KCNIP4: variants seen among roughly 807,000 people sequenced by gnomAD.
KCNIP4 encodes Kv channel-interacting protein 4.
KCNIP4 carries 12 observed loss-of-function variants against 34.0 expected under a neutral mutation model. That is an observed-to-expected ratio of 0.35 (90% CI 0.23 to 0.57). The LOEUF (loss-of-function observed/expected upper bound fraction) is 0.57, where lower values mean the gene tolerates loss of function less well. Among genes scored for constraint, KCNIP4 ranks in the 20% least tolerant of loss-of-function variants. KCNIP4 has a pLI of 0.83. For synonymous variants in KCNIP4, 124 were observed against 102.2 expected (o/e 1.21, Z -1.29); for missense variants, 238 against 311.7 (o/e 0.76, Z 1.78).
intron 1 of KCNIP4, among the ~76,000 whole-genome samples, chr4:21,902,517 G>A (rs1367605877): frequency 6.6e-6 from 1 of 152,088 alleles, no homozygotes; most frequent in African/African-American, 2.4e-5. Flanking sequence ...GACCTTCTGG[G>A]AAAGAGACAT....
At chr4:21,606,071 T>C (rs969144811) in intron 1 of KCNIP4, among the ~76,000 whole-genome samples, 6 of 152,098 alleles carry the variant, frequency 3.9e-5, no homozygotes, top group Non-Finnish European at 8.8e-5. Flanking sequence ...TGAACAATCT[T>C]ACTGGGGAGT....
chr4:21,464,415 T>C (rs1374114900), intron 1 of KCNIP4, among the ~76,000 whole-genome samples: 1 of 152,062 alleles, frequency 6.6e-6, no homozygotes, highest in Non-Finnish European at 1.5e-5. Flanking sequence ...ATTTCTCTCA[T>C]AGCATTTTCT....
intron 1 of KCNIP4, among the ~76,000 whole-genome samples, chr4:21,813,497 A>T (rs1721786998): frequency 6.6e-6 from 1 of 152,176 alleles, no homozygotes; most frequent in African/African-American, 2.4e-5. Flanking sequence ...AACTTTTCAG[A>T]AACTTGCCCA....
chr4:21,532,986 G>A lies in KCNIP4; in HGVS notation c.61+415585C>T, dbSNP rs1736819151. Among the ~76,000 whole-genome samples, 3 of 138,012 alleles carry A rather than the reference G, an allele frequency of 2.2e-5. No individual in the cohort carries two copies. In the South Asian group the frequency reaches 8.5e-4, roughly 39 times the overall value. The allele number at this position is 138,012 out of a possible 152,430, so 90.5% of individuals were successfully genotyped here. A position where few individuals can be genotyped will look rare whatever the true frequency, so the allele number is the denominator to read the frequency against. ...AATTAAAGAGAAAATACATACATAT[G>A]TGTGAGTGTGTATATATATGTATAT... On this transcript the variant is annotated intron_variant, in intron 1 of 8. Coordinates refer to ENST00000382152, the MANE Select transcript of KCNIP4 (RefSeq NM_025221.6).
At chr4:21,733,557 T>A (rs1448772953) in intron 1 of KCNIP4, among the ~76,000 whole-genome samples, 2 of 152,216 alleles carry the variant, frequency 1.3e-5, no homozygotes, top group Non-Finnish European at 2.9e-5. Context: ...AGACAATGCA[T>A]GTCCATGGGA....
At chr4:21,174,901 CAAAA>C (rs5856608) in intron 1 of KCNIP4, among the ~76,000 whole-genome samples, 1 of 115,746 alleles carries the variant, frequency 8.6e-6, no homozygotes, top group Non-Finnish European at 1.8e-5. Flanking sequence ...GACACTGTCT[CAAAA>C]AAAAAAAAAA....
At chr4:21,916,880 G>A (rs779280640) in intron 1 of KCNIP4, among the ~76,000 whole-genome samples, 43 of 152,266 alleles carry the variant, frequency 2.8e-4, no homozygotes, top group Non-Finnish European at 2.8e-4. Flanking sequence ...TGAGTCAAGG[G>A]AGTCAACTAA....
chr4:21,309,131 C>G (rs1317579622), intron 1 of KCNIP4, among the ~76,000 whole-genome samples: 1 of 152,010 alleles, frequency 6.6e-6, no homozygotes. Flanking sequence ...ATTAGTTTGC[C>G]CTTTGATGAA....
At chr4:21,252,231 G>A (rs902177551) in intron 1 of KCNIP4, among the ~76,000 whole-genome samples, 1 of 150,754 alleles carries the variant, frequency 6.6e-6, no homozygotes, top group Non-Finnish European at 1.5e-5. Flanking sequence ...GAGTTCAAGC[G>A]ATTCTTCTGC....
At chr4:20,930,441 A>T (rs577445900) in intron 1 of KCNIP4, among the ~76,000 whole-genome samples, 1 of 152,150 alleles carries the variant, frequency 6.6e-6, no homozygotes, top group African/African-American at 2.4e-5. Context: ...ATTCCTTGAT[A>T]TTGGCCTTGG....
chr4:21,857,998 C>T (rs1724859484), intron 1 of KCNIP4, among the ~76,000 whole-genome samples: 1 of 152,220 alleles, frequency 6.6e-6, no homozygotes, highest in African/African-American at 2.4e-5. Flanking sequence ...GGTCCAGCAG[C>T]AGCCTCACAG....
intron 3 of KCNIP4, among the ~76,000 whole-genome samples, chr4:20,803,841 T>G (rs1714732184): frequency 6.6e-6 from 1 of 152,110 alleles, no homozygotes; most frequent in Admixed American, 6.5e-5. Flanking sequence ...AAATTCAATA[T>G]GGAGGCCATT....
At chr4:21,251,047 T>C (rs1464536901) in intron 1 of KCNIP4, among the ~76,000 whole-genome samples, 1 of 152,070 alleles carries the variant, frequency 6.6e-6, no homozygotes, top group Non-Finnish European at 1.5e-5. Context: ...GACAGCTTTT[T>C]TTAAATTATT....
chr4:20,802,134 C>CTA (rs755112824), intron 3 of KCNIP4, among the ~76,000 whole-genome samples: 2,230 of 136,446 alleles, frequency 0.016, 55 homozygotes, highest in African/African-American at 0.034. Flanking sequence ...TATATATATG[C>CTA]TATATATGCT....
chr4:20,969,476 C>A (rs1038180062), intron 1 of KCNIP4, among the ~76,000 whole-genome samples: 1 of 152,222 alleles, frequency 6.6e-6, no homozygotes, highest in Non-Finnish European at 1.5e-5. Flanking sequence ...GTGACCCAAA[C>A]CCCCGGTTAC....
intron 1 of KCNIP4, among the ~76,000 whole-genome samples, chr4:21,076,939 A>G (rs900790730): frequency 2.0e-5 from 3 of 152,134 alleles, no homozygotes; most frequent in African/African-American, 7.2e-5. Context: ...TCTGGCAAAC[A>G]TGGTGAAACC....
intron 1 of KCNIP4, among the ~76,000 whole-genome samples, chr4:21,091,809 G>A (rs572618990): frequency 1.2e-4 from 18 of 152,210 alleles, no homozygotes; most frequent in Non-Finnish European, 2.2e-4. Context: ...ATCCATTCAT[G>A]AGCACTCCAC....
At chr4:20,832,614 A>G (rs1244902267) in intron 3 of KCNIP4, among the ~76,000 whole-genome samples, 1 of 151,296 alleles carries the variant, frequency 6.6e-6, no homozygotes, top group East Asian at 1.9e-4. Flanking sequence ...TATATTAAAA[A>G]TGAAAATAGA....
intron 1 of KCNIP4, among the ~76,000 whole-genome samples, chr4:21,918,151 A>C (rs1413751395): frequency 1.3e-5 from 2 of 152,150 alleles, no homozygotes; most frequent in Non-Finnish European, 2.9e-5. Flanking sequence ...AAACATCAAC[A>C]TATTGGCTAT....
Sources: gnomAD v4.1 joint callset for allele counts (sites outside exome capture counted in the v4.1 genomes callset) on GRCh38, gnomAD v4.1.1 for gene constraint, MANE v1.5 for transcripts, NCBI Gene and HGNC (gene_info 2026-07-23, HGNC 2026-07-21) for gene names.